SCHIP1: variants seen among roughly 807,000 people sequenced by gnomAD.
SCHIP1 encodes the protein schwannomin-interacting protein 1.
Under a neutral mutation model 29.7 loss-of-function variants are expected in SCHIP1, and 8 were observed. The observed-to-expected ratio is 0.27, with a 90% CI of 0.16 to 0.49. The LOEUF (loss-of-function observed/expected upper bound fraction) is 0.49. SCHIP1 is among the 20% of genes least tolerant of loss of function. SCHIP1 has a pLI of 0.99. For synonymous variants in SCHIP1, 76 were observed against 94.9 expected (o/e 0.80, Z 1.16); for missense variants, 193 against 294.6 (o/e 0.66, Z 2.52).
chr3:159,571,996 G>A, the SCHIP1 span, among the ~76,000 whole-genome samples: 37 of 152,026 alleles, frequency 2.4e-4, no homozygotes, highest in South Asian at 8.3e-4. Flanking sequence ...TTTTTATTGC[G>A]TCTATTTGAT....
the SCHIP1 span, among the ~76,000 whole-genome samples, chr3:159,655,523 C>A: frequency 6.6e-6 from 1 of 152,102 alleles, no homozygotes; most frequent in African/African-American, 2.4e-5. Flanking sequence ...TGGTCCTTCT[C>A]AGTGCTGGGT....
the SCHIP1 span, among the ~76,000 whole-genome samples, chr3:159,404,419 C>A: frequency 2.0e-5 from 3 of 152,120 alleles, no homozygotes; most frequent in Non-Finnish European, 2.9e-5. Context: ...CTGAAGGGAG[C>A]GTCCTAGGCC....
In SCHIP1 at chr3:159,856,286, C is replaced by T. The variant is rs540100834; in HGVS notation, c.31-9877C>T. ...ACCAAAGGGGGACTGAGCTTTCCCT[C>T]CAGGAGCTGACCGTCCCAATGGGGG... On this transcript the variant is annotated intron_variant, in intron 1 of 6. Transcript: ENST00000445224. Among the ~76,000 whole-genome samples the T allele has an allele frequency of 3.2e-4, 48 of 152,248 alleles. No homozygotes were observed. The South Asian group carries it at 9.9e-3, about 32-fold the overall frequency.
At chr3:159,367,315 C>T in the SCHIP1 span, among the ~76,000 whole-genome samples, 2 of 151,318 alleles carry the variant, frequency 1.3e-5, no homozygotes, top group African/African-American at 2.4e-5. Context: ...TTGCTTGAAC[C>T]GGGGAGGCAG....
chr3:159,657,544 T>C, the SCHIP1 span, among the ~76,000 whole-genome samples: 1 of 152,218 alleles, frequency 6.6e-6, no homozygotes, highest in Non-Finnish European at 1.5e-5. Context: ...ATTTAAGTGA[T>C]AATAAAAGGC....
the SCHIP1 span, among the ~76,000 whole-genome samples, chr3:159,411,551 T>G: frequency 8.0e-3 from 1,224 of 152,278 alleles, 12 homozygotes; most frequent in Middle Eastern, 0.034. Context: ...ATACACCGAA[T>G]GATTAAATAA....
the SCHIP1 span, among the ~76,000 whole-genome samples, chr3:159,556,824 C>T: frequency 2.7e-5 from 4 of 148,552 alleles, no homozygotes; most frequent in South Asian, 2.1e-4. Flanking sequence ...TGCTAAATGA[C>T]GAGTTAATGG....
the SCHIP1 span, among the ~76,000 whole-genome samples, chr3:159,664,628 T>C: frequency 6.6e-6 from 1 of 152,230 alleles, no homozygotes; most frequent in East Asian, 1.9e-4. Context: ...ATGAAACATG[T>C]GTTGCCACAT....
intron 1 of SCHIP1, among the ~76,000 whole-genome samples, chr3:159,852,150 C>G (rs1318849792): frequency 1.3e-5 from 2 of 152,192 alleles, no homozygotes; most frequent in African/African-American, 4.8e-5. Flanking sequence ...ATGTCAGCAG[C>G]AGTTCAGATG....
the SCHIP1 span, among the ~76,000 whole-genome samples, chr3:159,497,349 A>G: frequency 6.6e-6 from 1 of 152,048 alleles, no homozygotes; most frequent in African/African-American, 2.4e-5. Flanking sequence ...ACCCTTGATA[A>G]ATGTTCTATC....
At chr3:159,827,405 G>A in the SCHIP1 span, among the ~76,000 whole-genome samples, 1 of 152,188 alleles carries the variant, frequency 6.6e-6, no homozygotes, top group Non-Finnish European at 1.5e-5. Context: ...GATGTTAACA[G>A]TTTAGTCATA....
At chr3:159,634,081 G>T in the SCHIP1 span, among the ~76,000 whole-genome samples, 1 of 152,180 alleles carries the variant, frequency 6.6e-6, no homozygotes, top group East Asian at 1.9e-4. Flanking sequence ...GGGGAAGTTT[G>T]GAGGATTTGT....
At chr3:159,596,802 G>T in the SCHIP1 span, among the ~76,000 whole-genome samples, 1 of 151,552 alleles carries the variant, frequency 6.6e-6, no homozygotes, top group Admixed American at 6.6e-5. Flanking sequence ...GTGTCATGGG[G>T]TGGGTGGAGG....
the SCHIP1 span, among the ~76,000 whole-genome samples, chr3:159,487,079 G>A: frequency 4.5e-4 from 68 of 152,132 alleles, no homozygotes; most frequent in Non-Finnish European, 5.6e-4. Context: ...GCCTGCTCAG[G>A]TTGCTTCAGA....
chr3:159,819,548 T>C, the SCHIP1 span, among the ~76,000 whole-genome samples: 2 of 152,096 alleles, frequency 1.3e-5, no homozygotes, highest in Non-Finnish European at 2.9e-5. Flanking sequence ...TAAAAGTAAA[T>C]GGCACTGCTC....
At chr3:159,389,080 G>A in the SCHIP1 span, among the ~76,000 whole-genome samples, 41 of 151,866 alleles carry the variant, frequency 2.7e-4, no homozygotes, top group African/African-American at 8.4e-4. Context: ...GTGGGTGGGC[G>A]TGTGTGTGTG....
the SCHIP1 span, among the ~76,000 whole-genome samples, chr3:159,633,217 C>T: frequency 6.6e-6 from 1 of 152,172 alleles, no homozygotes; most frequent in African/African-American, 2.4e-5. Context: ...TTTGAGATAT[C>T]ACACTTTCTA....
the SCHIP1 span, among the ~76,000 whole-genome samples, chr3:159,662,251 C>T: frequency 6.6e-6 from 1 of 152,212 alleles, no homozygotes; most frequent in Non-Finnish European, 1.5e-5. Context: ...GTAGGGGCTA[C>T]CTGTTTCTGC....
intron 1 of SCHIP1, among the ~76,000 whole-genome samples, chr3:159,850,558 A>AG (rs577519723): frequency 6.9e-5 from 10 of 145,730 alleles, no homozygotes; most frequent in East Asian, 4.0e-4. Context: ...AAAAAAAAAA[A>AG]AAAAAAAAGG....
Sources: gnomAD v4.1 joint callset for allele counts (sites outside exome capture counted in the v4.1 genomes callset) on GRCh38, gnomAD v4.1.1 for gene constraint, MANE v1.5 for transcripts, NCBI Gene and HGNC (gene_info 2026-07-23, HGNC 2026-07-21) for gene names.